Variants in DAB1 observed in about 807,000 individuals in gnomAD.
DAB1 encodes disabled homolog 1.
A neutral mutation model predicts 64.6 loss-of-function variants in DAB1; 15 were observed. The observed-to-expected ratio is 0.23, with a 90% confidence interval of 0.16 to 0.36. The LOEUF (loss-of-function observed/expected upper bound fraction) is 0.36, where lower values mean the gene tolerates loss of function less well. DAB1 is among the 10% of genes least tolerant of loss of function. The probability of loss-of-function intolerance (pLI) is 1.00; values close to 1 mark genes in which losing one functional copy is unlikely to be tolerated. For missense variants in DAB1, 596 were observed against 706.7 expected, an observed-to-expected ratio of 0.84 and a Z score of 1.78; for synonymous variants, 235 against 251.9, an observed-to-expected ratio of 0.93 and a Z score of 0.64.
intron 6 of DAB1, among the ~76,000 whole-genome samples, chr1:57,690,735 T>C (rs1025616489): frequency 6.6e-5 from 10 of 152,214 alleles, no homozygotes; most frequent in African/African-American, 1.9e-4. Context: ...TTCTCCATAG[T>C]GGTTGTACTA....
At chr1:58,460,061 T>C (rs1223464749) in intron 3 of DAB1, among the ~76,000 whole-genome samples, 1 of 151,944 alleles carries the variant, frequency 6.6e-6, no homozygotes, top group Admixed American at 6.6e-5. Flanking sequence ...AAAGGAAGAG[T>C]ACTGAAGAAT....
intron 3 of DAB1, among the ~76,000 whole-genome samples, chr1:58,406,602 G>A (rs1644617164): frequency 6.6e-6 from 1 of 152,172 alleles, no homozygotes; most frequent in African/African-American, 2.4e-5. Context: ...TGGCCAGTTG[G>A]CCCAGGGCTC....
intron 4 of DAB1, among the ~76,000 whole-genome samples, chr1:58,191,809 G>A (rs1385749795): frequency 6.6e-6 from 1 of 152,164 alleles, no homozygotes; most frequent in East Asian, 1.9e-4. Context: ...CAGGTGCCTA[G>A]CACAGAGGCT....
chr1:58,112,276 C>G (rs150278314), intron 5 of DAB1, among the ~76,000 whole-genome samples: 19 of 152,328 alleles, frequency 1.2e-4, no homozygotes, highest in African/African-American at 4.6e-4. Context: ...CCCTCCTGTT[C>G]TGAAGAATGA....
At chr1:57,233,324 G>A (rs1247004213) in intron 2 of DAB1, among the ~76,000 whole-genome samples, 11 of 133,374 alleles carry the variant, frequency 8.2e-5, no homozygotes, top group Admixed American at 8.2e-4. Context: ...GTGCAGTGGC[G>A]GGATCTCGGC....
At chr1:58,088,127 T>G (rs1650432059) in intron 5 of DAB1, among the ~76,000 whole-genome samples, 1 of 152,244 alleles carries the variant, frequency 6.6e-6, no homozygotes, top group Non-Finnish European at 1.5e-5. Flanking sequence ...TGCCCACACT[T>G]AAACCAGAGT....
At chr1:57,986,367 A>G (rs1414309476) in intron 5 of DAB1, among the ~76,000 whole-genome samples, 11 of 152,086 alleles carry the variant, frequency 7.2e-5, no homozygotes, top group Admixed American at 3.9e-4. Flanking sequence ...TCCCTTACCT[A>G]TTCTACTACT....
intron 2 of DAB1, among the ~76,000 whole-genome samples, chr1:57,253,543 T>C (rs1378975153): frequency 6.6e-6 from 1 of 151,992 alleles, no homozygotes; most frequent in African/African-American, 2.4e-5. Context: ...ATAACGAAGT[T>C]TGAATTTAGT....
intron 3 of DAB1, among the ~76,000 whole-genome samples, chr1:58,344,593 A>G (rs531277281): frequency 6.6e-6 from 1 of 152,168 alleles, no homozygotes; most frequent in Non-Finnish European, 1.5e-5. Flanking sequence ...AGAACTAGAT[A>G]ATCCGAAAAG....
intron 1 of DAB1, among the ~76,000 whole-genome samples, chr1:57,340,189 A>G (rs1310140297): frequency 6.6e-6 from 1 of 152,234 alleles, no homozygotes; most frequent in African/African-American, 2.4e-5. Flanking sequence ...AACACCATTT[A>G]GTTGACTTAA....
rs577607881 is a variant in DAB1 at position 57,461,380 on chromosome 1, C to A, written n.626-170214G>T. 3.5e-4 allele frequency among the ~76,000 whole-genome samples: 53 copies of A among 152,266 alleles called. 1 individual carries two copies. The highest frequency in any genetic ancestry group is 3.4e-3 in the Middle Eastern group (1 of 294). On this transcript the variant is annotated intron_variant and non_coding_transcript_variant, in intron 7 of 20. Coordinates refer to the DAB1 transcript ENST00000485760. The stretch of plus-strand genomic sequence containing the variant: ...TTTTCTATTTTCCCTCAAACATAAA[C>A]CCACTCCACTTTAAACTAAAATATG...
chr1:57,096,635 A>ACCC (rs935495398), intron 4 of DAB1, among the ~76,000 whole-genome samples: 1 of 152,050 alleles, frequency 6.6e-6, no homozygotes, highest in African/African-American at 2.4e-5. Context: ...TTGCCTGACC[A>ACCC]CCCAAGCTAC....
intron 9 of DAB1, among the ~76,000 whole-genome samples, chr1:57,030,072 C>T (rs1429473990): frequency 2.0e-5 from 3 of 152,108 alleles, no homozygotes; most frequent in Admixed American, 2.0e-4. Flanking sequence ...CCAGAATTCC[C>T]ATTTGTTGTG....
upstream of DAB1, among the ~76,000 whole-genome samples, chr1:57,886,641 G>A (rs1644228079): frequency 6.6e-6 from 1 of 152,192 alleles, no homozygotes; most frequent in South Asian, 2.1e-4. Flanking sequence ...ACGAATGGCA[G>A]TCACTATTTG....
chr1:57,660,482 T>C (rs577781751), intron 6 of DAB1, among the ~76,000 whole-genome samples: 153 of 152,204 alleles, frequency 1.0e-3, no homozygotes, highest in Non-Finnish European at 1.1e-3. Flanking sequence ...TGTAAACCTT[T>C]TGTATACCAT....
At chr1:58,068,985 G>A (rs968541733) in intron 5 of DAB1, among the ~76,000 whole-genome samples, 1 of 152,148 alleles carries the variant, frequency 6.6e-6, no homozygotes, top group African/African-American at 2.4e-5. Context: ...GGAGGGCTGG[G>A]TGTGCAGAGT....
At chr1:57,715,899 T>C (rs1647078444) in intron 6 of DAB1, among the ~76,000 whole-genome samples, 1 of 152,168 alleles carries the variant, frequency 6.6e-6, no homozygotes. Context: ...CCTATCAAAG[T>C]ACCAATGACA....
intron 7 of DAB1, among the ~76,000 whole-genome samples, chr1:57,599,122 G>T (rs1300074010): frequency 6.6e-6 from 1 of 150,430 alleles, no homozygotes; most frequent in East Asian, 2.0e-4. Flanking sequence ...AGTGAGGGTT[G>T]GTTGCATTTT....
At chr1:57,822,645 T>C (rs852771), downstream of DAB1, among the ~76,000 whole-genome samples, 35,494 of 152,082 alleles carry the variant, frequency 0.23, 4,860 homozygotes, top group Middle Eastern at 0.32. Context: ...TGCCCTGTTC[T>C]GATTTAAGAA....
Sources: allele counts gnomAD v4.1 joint callset (sites outside exome capture counted in the v4.1 genomes callset), GRCh38; gene constraint gnomAD v4.1.1; transcripts MANE v1.5; gene names NCBI Gene and HGNC (gene_info 2026-07-23, HGNC 2026-07-21).